Variants in TECRL observed in about 807,000 individuals in gnomAD.
TECRL encodes the protein trans-2,3-enoyl-CoA reductase like.
A neutral mutation model predicts 52.8 loss-of-function variants in TECRL; 63 were observed. The ratio of observed to expected loss-of-function variants is 1.19; its 90% CI spans 0.97 to 1.47. The LOEUF (loss-of-function observed/expected upper bound fraction) is 1.47, where lower values mean the gene tolerates loss of function less well. TECRL is among the 40% of genes most tolerant of loss of function. TECRL has a pLI of 0.00. For synonymous variants in TECRL, 164 were observed against 141.9 expected (o/e 1.16, Z -1.10); for missense variants, 482 against 429.6 (o/e 1.12, Z -1.08).
intron 7 of TECRL, among the ~76,000 whole-genome samples, chr4:64,302,918 T>C (rs1724105192): frequency 6.6e-6 from 1 of 151,322 alleles, no homozygotes; most frequent in Admixed American, 6.6e-5. Context: ...TTATTATATC[T>C]TTTACTGTTA....
chr4:64,353,776 C>A (rs1720563242), intron 2 of TECRL, among the ~76,000 whole-genome samples: 1 of 146,986 alleles, frequency 6.8e-6, no homozygotes, highest in South Asian at 2.2e-4. Flanking sequence ...TTAAACCATG[C>A]AAATGTTTGA....
chr4:64,320,002 T>A (rs2110024415), intron 4 of TECRL, among the ~76,000 whole-genome samples: 1 of 151,998 alleles, frequency 6.6e-6, no homozygotes, highest in African/African-American at 2.4e-5. Context: ...GATGAAGCAA[T>A]TCTCTATCTT....
intron 2 of TECRL, among the ~76,000 whole-genome samples, 194 bp downstream of exon 2, chr4:64,374,975 TGGA>T: frequency 6.6e-6 from 1 of 152,152 alleles, no homozygotes; most frequent in African/African-American, 2.4e-5. Flanking sequence ...TTGGAAATGC[TGGA>T]GATTAAAGGA....
At chr4:64,388,527 T>C (rs1723331299) in intron 1 of TECRL, among the ~76,000 whole-genome samples, 1 of 151,932 alleles carries the variant, frequency 6.6e-6, no homozygotes, top group Non-Finnish European at 1.5e-5. Flanking sequence ...TCTTCATATA[T>C]ACTTTAGAAA....
At chr4:64,339,400 C>A (rs996368411) in intron 2 of TECRL, among the ~76,000 whole-genome samples, 126 of 151,514 alleles carry the variant, frequency 8.3e-4, no homozygotes, top group African/African-American at 3.0e-3. Context: ...ATGTAAGAAA[C>A]CTGCATGTTT....
chr4:64,341,174 G>A (rs1315167228), intron 2 of TECRL, among the ~76,000 whole-genome samples: 1 of 152,122 alleles, frequency 6.6e-6, no homozygotes, highest in East Asian at 1.9e-4. Context: ...TTTTCTCTGA[G>A]CTGTTCTATT....
chr4:64,305,589 T>C lies in TECRL; in HGVS notation c.658-351A>G, dbSNP rs184141130. Among the ~76,000 whole-genome samples the C allele has an allele frequency of 2.5e-3, 385 of 152,234 alleles. 6 individuals are homozygous for C. Among genetic ancestry groups the C allele is most frequent in the African/African-American group, 8.4e-3 (351 of 41,554 alleles). ...AAGAATTTCTTGTTATACCAAGATGTTTGCTCAAAAGGGACTTTCCAGCCA... is the reference window on the plus strand; with the variant it reads ...AAGAATTTCTTGTTATACCAAGATGCTTGCTCAAAAGGGACTTTCCAGCCA... On this transcript the variant is annotated intron_variant, in intron 6 of 11. Coordinates refer to ENST00000381210, the MANE Select transcript of TECRL (RefSeq NM_001010874.5).
At chr4:64,378,041 T>C (rs1722521708) in intron 1 of TECRL, among the ~76,000 whole-genome samples, 1 of 151,986 alleles carries the variant, frequency 6.6e-6, no homozygotes, top group Non-Finnish European at 1.5e-5. Flanking sequence ...TGTCTAAAAG[T>C]AAAAGTACAG....
intron 1 of TECRL, among the ~76,000 whole-genome samples, chr4:64,385,547 G>T (rs1303317070): frequency 6.6e-6 from 1 of 152,090 alleles, no homozygotes; most frequent in African/African-American, 2.4e-5. Context: ...CATCCGAGCT[G>T]CTATGTCCAT....
chr4:64,379,071 G>T (rs1317417962), intron 1 of TECRL, among the ~76,000 whole-genome samples: 3 of 151,652 alleles, frequency 2.0e-5, no homozygotes, highest in Non-Finnish European at 2.9e-5. Context: ...TGAAAAAAAT[G>T]TAAAAATTAA....
chr4:64,280,184 A>C lies in TECRL; in HGVS notation c.980T>G (p.Leu327Arg). ...TQTLPVGIFTLLMSIQMSLWA... is the reference protein window; with the variant it reads ...TQTLPVGIFTRLMSIQMSLWA... ...CAAAGACATCTGGATACTCATCAGAAGTGTAAAAATTCCAACTAGAAGAAA... is the reference window on the plus strand; with the variant it reads ...CAAAGACATCTGGATACTCATCAGACGTGTAAAAATTCCAACTAGAAGAAA... Residue 327 changes from leucine to arginine, a missense_variant, in exon 12 of 12, where the codon CTT (leucine) becomes CGT (arginine). Physicochemically the swap from Leu to Arg is moderately radical, Grantham distance 102. Transcript: ENST00000381210. 1 of 1,532,136 alleles carries C rather than the reference A, an allele frequency of 6.5e-7. No homozygotes were observed. 94.9% of individuals were successfully genotyped at this position (1,532,136 alleles called of 1,614,324 possible).
chr4:64,290,168 G>T (rs1394111748), intron 8 of TECRL, among the ~76,000 whole-genome samples: 1 of 152,126 alleles, frequency 6.6e-6, no homozygotes, highest in East Asian at 1.9e-4. Flanking sequence ...TAGTGAAATG[G>T]TGATTGTTTG....
intron 1 of TECRL, among the ~76,000 whole-genome samples, chr4:64,407,422 C>G (rs1388011585): frequency 2.6e-5 from 4 of 151,370 alleles, no homozygotes; most frequent in Admixed American, 2.6e-4. Flanking sequence ...GTCTTACCTT[C>G]AAATAAAATA....
In TECRL at chr4:64,281,462, TA is replaced by T; in HGVS notation, c.918+11del. The T allele has an allele frequency of 6.6e-7, 1 of 1,515,512 alleles. No individual in the cohort carries two copies. The highest frequency in any genetic ancestry group is 1.2e-5 in the South Asian group (1 of 86,604). 93.9% of individuals were successfully genotyped at this position (1,515,512 alleles called of 1,614,324 possible). A position where few individuals can be genotyped will look rare whatever the true frequency, so the allele number is the denominator to read the frequency against. Reference sequence around the variant, plus strand: ...AATAGGATTCAAGCATTTACATACATAAATAACATACCTCATAGGTGTAGTT... The same window carrying T: ...AATAGGATTCAAGCATTTACATACATAATAACATACCTCATAGGTGTAGTT... On this transcript the variant is annotated intron_variant, in intron 10 of 11. Coordinates refer to ENST00000381210, the MANE Select transcript of TECRL (RefSeq NM_001010874.5).
chr4:64,299,229 G>A (rs970323534), intron 8 of TECRL: 25 of 151,302 alleles, frequency 1.7e-4, no homozygotes, highest in African/African-American at 5.8e-4. Flanking sequence ...TCCTTACAAA[G>A]TGTGGCAGGT....
intron 2 of TECRL, among the ~76,000 whole-genome samples, chr4:64,351,917 T>C (rs972161122): frequency 6.6e-6 from 1 of 152,164 alleles, no homozygotes; most frequent in Non-Finnish European, 1.5e-5. Context: ...TCTTACTAAT[T>C]AATCTGCTCA....
intron 2 of TECRL, among the ~76,000 whole-genome samples, chr4:64,332,912 A>G (rs976314507): frequency 2.0e-5 from 3 of 152,102 alleles, no homozygotes; most frequent in Non-Finnish European, 4.4e-5. Flanking sequence ...AAAGTTAAAG[A>G]AAAGTGAAAA....
intron 8 of TECRL, among the ~76,000 whole-genome samples, chr4:64,299,595 C>A (rs1442869228): frequency 2.6e-5 from 4 of 151,002 alleles, no homozygotes; most frequent in Non-Finnish European, 5.9e-5. Flanking sequence ...CTGAGTTCAT[C>A]TTGAATTAGT....
At chr4:64,314,861 A>G (rs1717377935) in intron 4 of TECRL, 98 bp from the exon 5 acceptor site, 1 of 832,142 alleles carries the variant, frequency 1.2e-6, no homozygotes, top group South Asian at 1.5e-5. Context: ...AATTGGTGAA[A>G]CAGGTAGATT....
Sources: allele counts gnomAD v4.1 joint callset (sites outside exome capture counted in the v4.1 genomes callset), GRCh38; gene constraint gnomAD v4.1.1; transcripts MANE v1.5; gene names NCBI Gene and HGNC (gene_info 2026-07-23, HGNC 2026-07-21).